TTC7A: variants seen among roughly 807,000 people sequenced by gnomAD.
TTC7A encodes the protein tetratricopeptide repeat protein 7A.
In TTC7A, 110 loss-of-function variants were observed where a neutral mutation model predicts 103.7. That is an observed-to-expected ratio of 1.06 (90% CI 0.91 to 1.24). TTC7A has a LOEUF of 1.24. Among genes scored for constraint, TTC7A ranks in the 50% most tolerant of loss-of-function variants. The pLI is 0.00. For synonymous variants in TTC7A, 521 were observed against 467.9 expected (o/e 1.11, Z -1.47); for missense variants, 1,340 against 1,116.3 (o/e 1.20, Z -2.86).
chr2:47,005,970 C>G lies in TTC7A; in HGVS notation c.1114C>G (p.Arg372Gly). Residue 372 changes from arginine (R) to glycine (G), a missense_variant, in exon 9 of 20, where the codon CGG (arginine) becomes GGG (glycine). Coordinates refer to ENST00000319190, the MANE Select transcript of TTC7A (RefSeq NM_020458.4). ...LSRVPEQEED[R>G]TVSLQNAAAI... ...CCGGGTGCCGGAGCAGGAGGAGGAC[C>G]GGACAGTGAGCTTGCAGAATGCCGC... 6.2e-7 allele frequency: 1 copy of G among 1,614,058 alleles called. No individual in the cohort carries two copies. Among genetic ancestry groups the G allele is most frequent in the Non-Finnish European group, 8.5e-7 (1 of 1,180,012 alleles).
intron 5 of TTC7A, 124 bp downstream of exon 5, chr2:46,979,031 T>A (rs1490786004): frequency 1.5e-6 from 1 of 657,854 alleles, no homozygotes; most frequent in African/African-American, 1.8e-5. Context: ...AGAGGATTGG[T>A]GGGAACTGGC....
chr2:46,916,299 G>T (rs1668785875), exon 1 of TTC7A: 2 of 502,438 alleles, frequency 4.0e-6, no homozygotes, highest in African/African-American at 2.1e-5. Flanking sequence ...TTCAAGATTG[G>T]CCTGCTTCCA....
chr2:47,048,627 G>A (rs1253909893), intron 16 of TTC7A, among the ~76,000 whole-genome samples: 1 of 152,136 alleles, frequency 6.6e-6, no homozygotes, highest in African/African-American at 2.4e-5. Flanking sequence ...TTTTGAGACA[G>A]GGTCTTGCCC....
chr2:47,070,845 C>T (rs577034177), intron 19 of TTC7A, among the ~76,000 whole-genome samples: 17 of 152,336 alleles, frequency 1.1e-4, no homozygotes, highest in African/African-American at 3.1e-4. Flanking sequence ...CCATAAACAA[C>T]TTGGACATCA....
intron 10 of TTC7A, 111 bp from the exon 11 acceptor site, chr2:47,011,220 A>T: frequency 1.0e-6 from 1 of 984,514 alleles, no homozygotes; most frequent in Non-Finnish European, 1.5e-6. Flanking sequence ...CTGGCTCCTG[A>T]GAGCAAAGGG....
chr2:46,931,819 A>G (rs1369857760), intron 2 of TTC7A, among the ~76,000 whole-genome samples: 2 of 152,330 alleles, frequency 1.3e-5, no homozygotes, highest in East Asian at 3.9e-4. Context: ...CCTACTTTGG[A>G]CTTCTGACCT....
At chr2:46,992,624 T>G (rs2104376147) in intron 5 of TTC7A, among the ~76,000 whole-genome samples, 1 of 152,292 alleles carries the variant, frequency 6.6e-6, no homozygotes, top group South Asian at 2.1e-4. Context: ...ACTGTAGGGC[T>G]GGACTTGAGA....
chr2:47,030,819 C>A lies in TTC7A; in HGVS notation c.1802+1435C>A, dbSNP rs147336326. 3.3e-4 allele frequency among the ~76,000 whole-genome samples: 51 copies of A among 152,270 alleles called. No individual in the cohort carries two copies. In the East Asian group the frequency reaches 6.4e-3, roughly 19 times the overall value. The stretch of plus-strand genomic sequence containing the variant: ...CCTGTCTTTTATGTTCGTGGCCGGC[C>A]CTGATTCTGAGCCTTGCCTCAGCAG... On this transcript the variant is annotated intron_variant, in intron 15 of 19. Coordinates refer to ENST00000319190, the MANE Select transcript of TTC7A (RefSeq NM_020458.4).
chr2:47,022,092 C>T (rs1679357315), intron 12 of TTC7A, 113 bp downstream of exon 12: 1 of 700,476 alleles, frequency 1.4e-6, no homozygotes, highest in South Asian at 1.7e-5. Context: ...CCTCCATAGA[C>T]ACCATGCACT....
chr2:47,011,459 C>T (rs1207127117), intron 11 of TTC7A, 24 bp downstream of exon 11: 2 of 1,576,126 alleles, frequency 1.3e-6, no homozygotes, highest in Non-Finnish European at 1.7e-6. Flanking sequence ...GAGGGCAGGT[C>T]CCAGAGGCCT....
intron 16 of TTC7A, chr2:47,047,126 C>T (rs1336648302): frequency 1.6e-6 from 1 of 620,670 alleles, no homozygotes; most frequent in Admixed American, 3.1e-5. Flanking sequence ...GCCTATGTGG[C>T]CCAAAGGGAA....
chr2:47,030,737 C>A (rs1680439018), intron 15 of TTC7A, among the ~76,000 whole-genome samples: 1 of 152,182 alleles, frequency 6.6e-6, no homozygotes, highest in Non-Finnish European at 1.5e-5. Flanking sequence ...CTGGCCTAGG[C>A]AGGTCCCCAC....
chr2:47,072,795 C>CT (rs1475968728), intron 19 of TTC7A, among the ~76,000 whole-genome samples: 2 of 100,146 alleles, frequency 2.0e-5, no homozygotes, highest in Non-Finnish European at 3.9e-5. Flanking sequence ...TTTGTGGGAC[C>CT]TGAGGCTGAA....
intron 3 of TTC7A, chr2:46,974,690 G>A: frequency 1.9e-6 from 1 of 539,676 alleles, no homozygotes; most frequent in Non-Finnish European, 3.5e-6. Context: ...TTAGAAAAAT[G>A]GGGATACTGC....
chr2:46,978,730 G>A (rs1674123749), intron 4 of TTC7A, 62 bp from the exon 5 acceptor site: 2 of 1,379,810 alleles, frequency 1.4e-6, no homozygotes, highest in Admixed American at 1.7e-5. Flanking sequence ...ACCTCCTCTT[G>A]CTGAGTGACC....
intron 5 of TTC7A, among the ~76,000 whole-genome samples, chr2:46,982,492 C>T (rs1274804218): frequency 1.3e-5 from 2 of 152,220 alleles, no homozygotes; most frequent in African/African-American, 2.4e-5. Flanking sequence ...GTCAGCACAC[C>T]TGGGAGCCAA....
At chr2:46,990,590 G>T (rs764037251) in intron 5 of TTC7A, among the ~76,000 whole-genome samples, 3 of 152,234 alleles carry the variant, frequency 2.0e-5, no homozygotes, top group Non-Finnish European at 2.9e-5. Flanking sequence ...GAAAGGAAGA[G>T]AATATTTAAT....
intron 3 of TTC7A, among the ~76,000 whole-genome samples, chr2:46,957,762 C>A (rs1188181615): frequency 6.6e-6 from 1 of 152,208 alleles, no homozygotes; most frequent in South Asian, 2.1e-4. Context: ...TTCCCTGGAT[C>A]CCTGGCTGCG....
intron 19 of TTC7A, among the ~76,000 whole-genome samples, chr2:47,072,866 G>T (rs955937986): frequency 2.0e-5 from 3 of 152,222 alleles, no homozygotes; most frequent in Non-Finnish European, 4.4e-5. Flanking sequence ...TTCCCAGTGT[G>T]GGTAGAAGAG....
Sources: allele counts gnomAD v4.1 joint callset (sites outside exome capture counted in the v4.1 genomes callset), GRCh38; gene constraint gnomAD v4.1.1; transcripts MANE v1.5; gene names NCBI Gene and HGNC (gene_info 2026-07-23, HGNC 2026-07-21).